PEBP4: variants seen among roughly 807,000 people sequenced by gnomAD.
The protein encoded by PEBP4 is phosphatidylethanolamine-binding protein 4.
PEBP4 carries 22 observed loss-of-function variants against 23.9 expected under a neutral mutation model. That is an observed-to-expected ratio of 0.92 (90% CI 0.66 to 1.31). PEBP4 has a LOEUF of 1.31. Among genes scored for constraint, PEBP4 ranks in the 40% most tolerant of loss-of-function variants. PEBP4 has a pLI of 0.00. For missense variants in PEBP4, 324 were observed against 281.7 expected (o/e 1.15, Z -1.07); for synonymous variants, 112 against 99.3 (o/e 1.13, Z -0.76).
intron 3 of PEBP4, among the ~76,000 whole-genome samples, chr8:22,908,169 G>C (rs1378868039): frequency 6.6e-6 from 1 of 152,126 alleles, no homozygotes; most frequent in Non-Finnish European, 1.5e-5. Context: ...TGTTTCATTT[G>C]AGGGGCTTAT....
chr8:22,903,691 G>A (rs1181589838), intron 3 of PEBP4, among the ~76,000 whole-genome samples: 1 of 151,394 alleles, frequency 6.6e-6, no homozygotes, highest in Non-Finnish European at 1.5e-5. Flanking sequence ...TAGCTGCCTC[G>A]ATCTATAAAT....
chr8:22,914,532 G>A (rs572295696), intron 3 of PEBP4, among the ~76,000 whole-genome samples: 8 of 152,316 alleles, frequency 5.3e-5, no homozygotes, highest in South Asian at 2.1e-4. Flanking sequence ...CCCCTCACAC[G>A]GGTAACCAGT....
chr8:22,730,484 C>T (rs547575175), intron 4 of PEBP4, among the ~76,000 whole-genome samples: 13 of 152,322 alleles, frequency 8.5e-5, no homozygotes, highest in African/African-American at 3.1e-4. Context: ...GATCCTGAGC[C>T]ATGATGGTGC....
chr8:22,842,300 G>C (rs182315244), intron 3 of PEBP4, among the ~76,000 whole-genome samples: 1 of 152,254 alleles, frequency 6.6e-6, no homozygotes, highest in African/African-American at 2.4e-5. Flanking sequence ...TTTTAGGAGG[G>C]GATCCCTAAG....
At chr8:22,723,653 T>C (rs1804564683) in intron 6 of PEBP4, among the ~76,000 whole-genome samples, 1 of 152,230 alleles carries the variant, frequency 6.6e-6, no homozygotes, top group Non-Finnish European at 1.5e-5. Context: ...TTTGTTTCCT[T>C]CTCTCTGCAT....
chr8:22,932,231 T>A (rs757931322), upstream of PEBP4, among the ~76,000 whole-genome samples: 2 of 152,122 alleles, frequency 1.3e-5, no homozygotes, highest in African/African-American at 2.4e-5. Flanking sequence ...TTGCTAAGGC[T>A]GGAGGTGGAG....
intron 4 of PEBP4, among the ~76,000 whole-genome samples, chr8:22,810,714 G>GAC (rs1806606298): frequency 1.4e-5 from 2 of 143,030 alleles, no homozygotes; most frequent in African/African-American, 2.8e-5. Flanking sequence ...GTGTGTGTGT[G>GAC]AGAGAGAGAG....
rs189590454 is a variant in PEBP4, at chr8:22,806,858, T to C, written c.357+10779A>G. ...TGCCTGGCTCAGCCAAGCTGTACTGTGCTTACTGACAGCATCTTCCTGGTC... is the reference window on the plus strand; with the variant it reads ...TGCCTGGCTCAGCCAAGCTGTACTGCGCTTACTGACAGCATCTTCCTGGTC... On this transcript the variant is annotated intron_variant, in intron 4 of 6. Coordinates refer to ENST00000256404, the MANE Select transcript of PEBP4 (RefSeq NM_144962.3). 2.0e-4 allele frequency among the ~76,000 whole-genome samples: 30 copies of C among 152,382 alleles called. No homozygotes were observed. The East Asian group carries it at 4.8e-3, about 24-fold the overall frequency.
chr8:22,895,179 G>C (rs916484039), intron 3 of PEBP4, among the ~76,000 whole-genome samples: 7 of 152,202 alleles, frequency 4.6e-5, no homozygotes, highest in African/African-American at 1.4e-4. Flanking sequence ...TGGATCCAAA[G>C]TACTGGCTGG....
intron 3 of PEBP4, among the ~76,000 whole-genome samples, chr8:22,909,211 G>A (rs1426795885): frequency 6.6e-6 from 1 of 152,136 alleles, no homozygotes; most frequent in Non-Finnish European, 1.5e-5. Flanking sequence ...GATAGAGGGC[G>A]ATCTCCGCCT....
At chr8:22,718,584 G>A (rs368000168) in intron 6 of PEBP4, among the ~76,000 whole-genome samples, 14 of 152,306 alleles carry the variant, frequency 9.2e-5, no homozygotes, top group African/African-American at 3.4e-4. Context: ...CCCCAGCTGG[G>A]TGGCTGCCAG....
rs916033498 is a variant in PEBP4, at chr8:22,865,241, A to T, written c.259-47506T>A. On this transcript the variant is annotated intron_variant, in intron 3 of 6. Coordinates refer to ENST00000256404, the MANE Select transcript of PEBP4 (RefSeq NM_144962.3). This position sits in a 1 kb window ranked among gnomAD's most constrained non-coding sequence, Gnocchi z 6.9. The stretch of plus-strand genomic sequence containing the variant: ...TGGGGGGCGGCGGGAGGGGGAGGGA[A>T]GGTGTTTTTGCGAAAATGACAAAAC... 6.6e-6 allele frequency among the ~76,000 whole-genome samples: 1 copy of T among 152,054 alleles called. No individual in the cohort carries two copies. Among genetic ancestry groups the T allele is most frequent in the African/African-American group, 2.4e-5 (1 of 41,422 alleles).
At chr8:22,938,698 C>T (rs1439555633) in intron 1 of PEBP4, among the ~76,000 whole-genome samples, 4 of 152,062 alleles carry the variant, frequency 2.6e-5, no homozygotes, top group Non-Finnish European at 4.4e-5. Context: ...AAAGGTCACA[C>T]TTCCCCCCCA....
At position 22,865,822 on chromosome 8, in the gene PEBP4, C is replaced by G. The variant is rs913949300; in HGVS notation, c.259-48087G>C. On this transcript the variant is annotated intron_variant, in intron 3 of 6. Coordinates refer to ENST00000256404, the MANE Select transcript of PEBP4 (RefSeq NM_144962.3). This position sits in a 1 kb window ranked among gnomAD's most constrained non-coding sequence, Gnocchi z 6.9. ...CGAGCGGCGGCGCCTAGAGGGACCC[C>G]CACCCCGGGCTCGAACTCCCGACAA... Among the ~76,000 whole-genome samples, 3 of 152,122 alleles carry G rather than the reference C, an allele frequency of 2.0e-5. No individual in the cohort carries two copies. Among genetic ancestry groups the G allele is most frequent in the Non-Finnish European group, 4.4e-5 (3 of 68,010 alleles).
intron 3 of PEBP4, among the ~76,000 whole-genome samples, chr8:22,819,193 AGAG>A (rs1397966166): frequency 2.0e-5 from 3 of 152,150 alleles, no homozygotes; most frequent in Non-Finnish European, 4.4e-5. Flanking sequence ...GCTACAATTG[AGAG>A]GAGGGGAGAA....
chr8:22,912,252 G>C (rs575345933), intron 3 of PEBP4, among the ~76,000 whole-genome samples: 87 of 152,310 alleles, frequency 5.7e-4, no homozygotes, highest in African/African-American at 2.0e-3. Context: ...TAACAGACAA[G>C]TGATAACAAC....
chr8:22,793,593 G>A (rs1806185166), intron 4 of PEBP4, among the ~76,000 whole-genome samples: 1 of 152,058 alleles, frequency 6.6e-6, no homozygotes, highest in Non-Finnish European at 1.5e-5. Context: ...TTGCATAATA[G>A]TTTATGTAGT....
chr8:22,933,695 A>G (rs1484239911), intron 1 of PEBP4, among the ~76,000 whole-genome samples: 1 of 152,234 alleles, frequency 6.6e-6, no homozygotes, highest in African/African-American at 2.4e-5. Context: ...GTTGAAATGA[A>G]AAGATGACAG....
chr8:22,720,319 G>A (rs1414909060), intron 6 of PEBP4, among the ~76,000 whole-genome samples: 1 of 152,212 alleles, frequency 6.6e-6, no homozygotes, highest in Non-Finnish European at 1.5e-5. Flanking sequence ...TTGTGGGGTT[G>A]TTCTAGAGGA....
Sources: gnomAD v4.1 joint callset for allele counts (sites outside exome capture counted in the v4.1 genomes callset) on GRCh38, gnomAD v4.1.1 for gene constraint, Gnocchi (gnomAD v3.1) non-coding constraint, MANE v1.5 for transcripts, NCBI Gene and HGNC (gene_info 2026-07-23, HGNC 2026-07-21) for gene names.